Variants in EYA2 observed in about 807,000 individuals in gnomAD.
The protein encoded by EYA2 is EYA transcriptional coactivator and phosphatase 2.
EYA2 carries 31 observed loss-of-function variants against 69.2 expected under a neutral mutation model. The observed-to-expected ratio is 0.45, with a 90% confidence interval of 0.34 to 0.60. EYA2 has a LOEUF of 0.60. Among genes scored for constraint, EYA2 ranks in the 20% least tolerant of loss-of-function variants. The pLI is 0.02. For missense variants in EYA2, 622 were observed against 701.2 expected (o/e 0.89, Z 1.28); for synonymous variants, 257 against 279.4 (o/e 0.92, Z 0.80).
In EYA2 at chr20:47,089,286, G is replaced by A; in HGVS notation, c.709G>A (p.Asp237Asn). The A allele has an allele frequency of 6.2e-7, 1 of 1,614,162 alleles. No individual in the cohort carries two copies. Among genetic ancestry groups the A allele is most frequent in the South Asian group, 1.1e-5 (1 of 91,072 alleles). ...ACCTTCCACACCAGCGAAAGAGGGAGACACAGACAGGCCGCACCGGGCCTC... is the reference window on the plus strand; with the variant it reads ...ACCTTCCACACCAGCGAAAGAGGGAAACACAGACAGGCCGCACCGGGCCTC... ...NGPSTPAKEG[D>N]TDRPHRASDG... Residue 237 changes from aspartate to asparagine, a missense_variant, in exon 8 of 16, where the codon GAC becomes AAC. Physicochemically the swap from Asp to Asn is conservative, Grantham distance 23. Around this residue, in one of 2 missense-constraint regions of EYA2, gnomAD observed 365 missense variants for 349.7 expected, o/e 1.04. Coordinates refer to ENST00000327619, the MANE Select transcript of EYA2 (RefSeq NM_005244.5).
chr20:46,952,567 G>A (rs1311306265), intron 1 of EYA2, among the ~76,000 whole-genome samples: 1 of 152,196 alleles, frequency 6.6e-6, no homozygotes, highest in East Asian at 1.9e-4. Flanking sequence ...GAAGGGCAGA[G>A]CAAGCACCCA....
chr20:47,025,196 A>G (rs1201887699), intron 5 of EYA2, among the ~76,000 whole-genome samples: 2 of 151,986 alleles, frequency 1.3e-5, no homozygotes, highest in Non-Finnish European at 1.5e-5. Flanking sequence ...TTACATTTTT[A>G]TTTTTTCACC....
chr20:47,188,751 C>A lies in EYA2; in HGVS notation c.*618C>A, dbSNP rs1169528225. ...TGGACAGTGCACGTGCCTTACGCTACATCTTGTTTTCTAGGAAGAGGGGGA... is the reference window on the plus strand; with the variant it reads ...TGGACAGTGCACGTGCCTTACGCTAAATCTTGTTTTCTAGGAAGAGGGGGA... On this transcript the variant is annotated 3_prime_UTR_variant, in exon 16 of 16. Coordinates refer to ENST00000327619, the MANE Select transcript of EYA2 (RefSeq NM_005244.5). 6.1e-6 allele frequency: 1 copy of A among 165,116 alleles called. No homozygotes were observed. Among genetic ancestry groups the A allele is most frequent in the African/African-American group, 2.4e-5 (1 of 41,976 alleles). The allele number at this position is 165,116 out of a possible 1,614,324, so 10.2% of individuals were successfully genotyped here.
At chr20:47,117,685 CA>C in intron 9 of EYA2, 1 of 985,430 alleles carries the variant, frequency 1.0e-6, no homozygotes, top group Non-Finnish European at 1.2e-6. Context: ...TATGACGCAG[CA>C]GTTAAAAACT....
intron 1 of EYA2, among the ~76,000 whole-genome samples, chr20:46,949,282 G>T (rs1206754): frequency 0.047 from 7,143 of 152,282 alleles, 285 homozygotes; most frequent in African/African-American, 0.1. Context: ...TACATGAGCC[G>T]GTTCCTTTTA....
chr20:47,155,916 C>T (rs2033912680), intron 10 of EYA2, among the ~76,000 whole-genome samples: 1 of 150,264 alleles, frequency 6.7e-6, no homozygotes, highest in Non-Finnish European at 1.5e-5. Context: ...GTGGCTCATG[C>T]CTGTAATCCC....
intron 7 of EYA2, among the ~76,000 whole-genome samples, chr20:47,084,384 T>C (rs927097640): frequency 1.3e-5 from 2 of 151,740 alleles, no homozygotes; most frequent in African/African-American, 2.4e-5. Context: ...CTACAAAAAA[T>C]ACAAACATTA....
At chr20:46,940,806 C>T (rs1986123665) in intron 1 of EYA2, among the ~76,000 whole-genome samples, 1 of 152,176 alleles carries the variant, frequency 6.6e-6, no homozygotes, top group African/African-American at 2.4e-5. Flanking sequence ...CCTGAGCACC[C>T]CCAGGCCTCT....
intron 1 of EYA2, among the ~76,000 whole-genome samples, chr20:46,934,677 G>A (rs972094773): frequency 2.0e-5 from 3 of 152,060 alleles, no homozygotes; most frequent in African/African-American, 4.8e-5. Context: ...CTAGAAGACC[G>A]TTCATTCAAA....
At chr20:47,010,035 T>C (rs938316847) in intron 4 of EYA2, among the ~76,000 whole-genome samples, 1 of 152,208 alleles carries the variant, frequency 6.6e-6, no homozygotes, top group African/African-American at 2.4e-5. Flanking sequence ...ATAACTTACT[T>C]ACCCATTCTT....
chr20:47,153,971 G>A (rs765577458), intron 10 of EYA2, among the ~76,000 whole-genome samples: 49 of 151,984 alleles, frequency 3.2e-4, no homozygotes, highest in Admixed American at 5.9e-4. Flanking sequence ...GTTCTAGCTG[G>A]CTTGTATGTT....
intron 5 of EYA2, among the ~76,000 whole-genome samples, chr20:47,025,212 A>G (rs536187199): frequency 1.3e-5 from 2 of 152,268 alleles, no homozygotes; most frequent in South Asian, 2.1e-4. Context: ...TCACCATGCT[A>G]TCATTTTTAC....
chr20:46,983,845 T>C (rs906021790), intron 1 of EYA2, among the ~76,000 whole-genome samples: 3 of 152,210 alleles, frequency 2.0e-5, no homozygotes, highest in Non-Finnish European at 4.4e-5. Flanking sequence ...GGAAAATTGA[T>C]AGAGGTCAAA....
intron 9 of EYA2, chr20:47,117,464 G>C (rs1387190547): frequency 1.0e-6 from 1 of 985,136 alleles, no homozygotes; most frequent in African/African-American, 1.7e-5. Flanking sequence ...TCCTCGACCG[G>C]CTCCTCTGCC....
chr20:47,176,585 GGAATGACCAA>G (rs2034431010), intron 12 of EYA2, among the ~76,000 whole-genome samples: 1 of 151,958 alleles, frequency 6.6e-6, no homozygotes, highest in South Asian at 2.1e-4. Context: ...CCAGAGCTGG[GGAATGACCAA>G]TACAAGCAAA....
chr20:47,075,623 G>A (rs1264205644), intron 7 of EYA2, among the ~76,000 whole-genome samples: 1 of 152,092 alleles, frequency 6.6e-6, no homozygotes, highest in Non-Finnish European at 1.5e-5. Flanking sequence ...TGTCTAAGAG[G>A]GGTTCAAGTA....
chr20:47,162,050 C>T (rs2034079060), intron 10 of EYA2, among the ~76,000 whole-genome samples: 1 of 152,172 alleles, frequency 6.6e-6, no homozygotes, highest in Non-Finnish European at 1.5e-5. Flanking sequence ...TTTCTCCTAG[C>T]TCCTGGTGGT....
intron 1 of EYA2, among the ~76,000 whole-genome samples, chr20:46,898,533 A>G (rs1039837505): frequency 1.3e-5 from 2 of 152,134 alleles, no homozygotes; most frequent in Non-Finnish European, 2.9e-5. Context: ...GGCAGTTCAA[A>G]CAGTCCTAAA....
At chr20:47,025,493 A>G (rs530885721) in intron 5 of EYA2, among the ~76,000 whole-genome samples, 2 of 152,340 alleles carry the variant, frequency 1.3e-5, no homozygotes, top group African/African-American at 4.8e-5. Flanking sequence ...CAATATATAG[A>G]AAGAGCTTCT....
Sources: allele counts gnomAD v4.1 joint callset (sites outside exome capture counted in the v4.1 genomes callset), GRCh38; gene constraint gnomAD v4.1.1; regional missense constraint gnomAD v4.1.1; transcripts MANE v1.5; gene names NCBI Gene and HGNC (gene_info 2026-07-23, HGNC 2026-07-21).